PLXDC2: variants seen among roughly 807,000 people sequenced by gnomAD.
The protein encoded by PLXDC2 is plexin domain containing 2.
PLXDC2 carries 40 observed loss-of-function variants against 68.9 expected under a neutral mutation model. The ratio of observed to expected loss-of-function variants is 0.58; its 90% CI spans 0.45 to 0.76. PLXDC2 has a LOEUF of 0.76. Among genes scored for constraint, PLXDC2 ranks in the 30% least tolerant of loss-of-function variants. The pLI is 0.00. For missense variants in PLXDC2, 644 were observed against 661.9 expected (o/e 0.97, Z 0.30); for synonymous variants, 243 against 234.2 (o/e 1.04, Z -0.34).
intron 3 of PLXDC2, among the ~76,000 whole-genome samples, chr10:20,058,743 G>C (rs559350004): frequency 2.0e-5 from 3 of 152,190 alleles, no homozygotes; most frequent in East Asian, 3.9e-4. Flanking sequence ...ATTGGTCAAG[G>C]ATGTCACAAA....
intron 1 of PLXDC2, among the ~76,000 whole-genome samples, chr10:19,847,808 TTTA>T (rs1489838701): frequency 2.6e-5 from 4 of 152,214 alleles, no homozygotes; most frequent in Non-Finnish European, 5.9e-5. Context: ...ATATTTTGGC[TTTA>T]TTTTAAAGAT....
chr10:19,934,655 C>T (rs1181219993), intron 1 of PLXDC2, among the ~76,000 whole-genome samples: 1 of 152,200 alleles, frequency 6.6e-6, no homozygotes. Context: ...ATGGGCATAG[C>T]TTCTACTTCT....
intron 1 of PLXDC2, among the ~76,000 whole-genome samples, chr10:19,888,114 C>T (rs1164050659): frequency 2.0e-5 from 3 of 152,148 alleles, no homozygotes; most frequent in Admixed American, 1.3e-4. Context: ...TAAAGCACTC[C>T]CTTTTTGAAG....
intron 1 of PLXDC2, among the ~76,000 whole-genome samples, chr10:19,882,412 G>T (rs1837744762): frequency 6.6e-6 from 1 of 152,172 alleles, no homozygotes; most frequent in African/African-American, 2.4e-5. Flanking sequence ...TCATCAGGAA[G>T]CCGAGGAAAT....
intron 1 of PLXDC2, among the ~76,000 whole-genome samples, chr10:19,837,087 T>C (rs1290398735): frequency 6.6e-6 from 1 of 151,730 alleles, no homozygotes; most frequent in Non-Finnish European, 1.5e-5. Flanking sequence ...CAAGTATTGC[T>C]TGCGAGGTGA....
chr10:19,897,321 C>T (rs1270056353), intron 1 of PLXDC2, among the ~76,000 whole-genome samples: 1 of 151,786 alleles, frequency 6.6e-6, no homozygotes, highest in Admixed American at 6.6e-5. Flanking sequence ...CTCACCGCAA[C>T]CTCCGCCTCC....
intron 4 of PLXDC2, among the ~76,000 whole-genome samples, chr10:20,080,821 G>A (rs1836542311): frequency 6.6e-6 from 1 of 152,222 alleles, no homozygotes; most frequent in East Asian, 1.9e-4. Context: ...TAGAGACACA[G>A]GCACATCCAA....
chr10:20,143,267 A>C (rs1834029872), intron 4 of PLXDC2, 28 bp from the exon 5 acceptor site: 1 of 1,584,452 alleles, frequency 6.3e-7, no homozygotes, highest in Non-Finnish European at 8.6e-7. Flanking sequence ...TCTTTTTCTG[A>C]ATATGTTTCC....
chr10:19,949,478 A>G (rs987915502), intron 1 of PLXDC2, among the ~76,000 whole-genome samples: 1 of 152,222 alleles, frequency 6.6e-6, no homozygotes, highest in Non-Finnish European at 1.5e-5. Context: ...ACTAATAGGA[A>G]TAGGAGGGGA....
At chr10:19,923,551 T>C (rs183001824) in intron 1 of PLXDC2, among the ~76,000 whole-genome samples, 1 of 152,200 alleles carries the variant, frequency 6.6e-6, no homozygotes, top group African/African-American at 2.4e-5. Context: ...AAAAAATTGC[T>C]TTATCCAATT....
chr10:19,824,969 C>T (rs756775327), intron 1 of PLXDC2, among the ~76,000 whole-genome samples: 17 of 152,134 alleles, frequency 1.1e-4, no homozygotes, highest in Non-Finnish European at 1.3e-4. Context: ...CACTAAGTGA[C>T]GTTACTGGAT....
At chr10:20,202,514 G>A (rs1834934011) in intron 9 of PLXDC2, among the ~76,000 whole-genome samples, 1 of 152,150 alleles carries the variant, frequency 6.6e-6, no homozygotes, top group Admixed American at 6.6e-5. Context: ...AATTCTTGAA[G>A]CCACAATGCT....
At chr10:19,884,748 A>G (rs1202635073) in intron 1 of PLXDC2, among the ~76,000 whole-genome samples, 1 of 152,082 alleles carries the variant, frequency 6.6e-6, no homozygotes, top group Non-Finnish European at 1.5e-5. Context: ...AATCAAGTCT[A>G]TCGTTGTTGG....
intron 9 of PLXDC2, 52 bp from the exon 10 acceptor site, chr10:20,211,617 A>C: frequency 2.6e-6 from 4 of 1,563,838 alleles, no homozygotes; most frequent in Non-Finnish European, 3.5e-6. Context: ...TCTGTCCACC[A>C]CCCTGCACCC....
chr10:19,820,853 G>A (rs1383456792), intron 1 of PLXDC2, among the ~76,000 whole-genome samples: 1 of 152,102 alleles, frequency 6.6e-6, no homozygotes, highest in Non-Finnish European at 1.5e-5. Flanking sequence ...CGAGGTGGGC[G>A]GATCACCTGA....
chr10:20,247,184 G>A (rs1168117079), intron 13 of PLXDC2, among the ~76,000 whole-genome samples: 1 of 151,408 alleles, frequency 6.6e-6, no homozygotes, highest in African/African-American at 2.4e-5. Context: ...TCCTGGTGAG[G>A]TATGGTGACT....
chr10:20,019,521 T>C (rs979535508), intron 2 of PLXDC2, among the ~76,000 whole-genome samples: 10 of 152,130 alleles, frequency 6.6e-5, no homozygotes, highest in African/African-American at 2.2e-4. Flanking sequence ...TGACTGTATA[T>C]AGAGATAGGG....
At chr10:19,912,280 T>C (rs916886612) in intron 1 of PLXDC2, among the ~76,000 whole-genome samples, 2 of 152,208 alleles carry the variant, frequency 1.3e-5, no homozygotes, top group African/African-American at 4.8e-5. Flanking sequence ...TTATTCTTTG[T>C]CTATGAATGC....
chr10:20,118,859 TA>T (rs1339481776), intron 4 of PLXDC2, among the ~76,000 whole-genome samples: 2 of 152,088 alleles, frequency 1.3e-5, no homozygotes, highest in African/African-American at 4.8e-5. Context: ...TCAGAGCATT[TA>T]AATAATTTAT....
Sources: gnomAD v4.1 joint callset for allele counts (sites outside exome capture counted in the v4.1 genomes callset) on GRCh38, gnomAD v4.1.1 for gene constraint, MANE v1.5 for transcripts, NCBI Gene and HGNC (gene_info 2026-07-23, HGNC 2026-07-21) for gene names.